The following CXCL13 variants were observed in gnomAD, a reference collection of about 807,000 sequenced individuals.
CXCL13 encodes the protein C-X-C motif chemokine 13.
In CXCL13, 7 loss-of-function variants were observed where a neutral mutation model predicts 12.2. That is an observed-to-expected ratio of 0.57 (90% confidence interval 0.33 to 1.07). The LOEUF (loss-of-function observed/expected upper bound fraction) is 1.07, where lower values mean the gene tolerates loss of function less well. CXCL13 is among the 50% of genes least tolerant of loss of function. The probability of loss-of-function intolerance (pLI) is 0.04; values close to 1 mark genes in which losing one functional copy is unlikely to be tolerated. For synonymous variants in CXCL13, 47 were observed against 42.4 expected (o/e 1.11, Z -0.42); for missense variants, 113 against 127.4 (o/e 0.89, Z 0.55).
At chr4:77,575,180 G>T (rs1167100802) in intron 1 of CXCL13, among the ~76,000 whole-genome samples, 3 of 151,786 alleles carry the variant, frequency 2.0e-5, no homozygotes, top group Admixed American at 6.6e-5. Flanking sequence ...ATTTGTAAAG[G>T]GTTATAAAAT....
chr4:77,595,105 T>A (rs1726717207), intron 1 of CXCL13, among the ~76,000 whole-genome samples: 2 of 151,664 alleles, frequency 1.3e-5, no homozygotes, highest in African/African-American at 2.4e-5. Context: ...GTGATTTTTT[T>A]TTTTTTTTTT....
intron 1 of CXCL13, among the ~76,000 whole-genome samples, chr4:77,593,212 C>G (rs1315164417): frequency 6.6e-6 from 1 of 152,194 alleles, no homozygotes; most frequent in Admixed American, 6.5e-5. Context: ...CACTCTGTTT[C>G]CCTGATTATG....
chr4:77,548,390 C>G (rs1725427845), intron 1 of CXCL13, among the ~76,000 whole-genome samples: 1 of 152,212 alleles, frequency 6.6e-6, no homozygotes, highest in Non-Finnish European at 1.5e-5. Context: ...AAGTTTAATG[C>G]ACAGCTCTAC....
At chr4:77,534,656 A>C (rs1338699233) in intron 1 of CXCL13, among the ~76,000 whole-genome samples, 1 of 152,176 alleles carries the variant, frequency 6.6e-6, no homozygotes, top group Non-Finnish European at 1.5e-5. Flanking sequence ...TTTAAAATAC[A>C]CCTCTGAGAA....
At chr4:77,531,171 C>T (rs1166979116) in intron 1 of CXCL13, among the ~76,000 whole-genome samples, 5 of 149,880 alleles carry the variant, frequency 3.3e-5, no homozygotes, top group African/African-American at 1.2e-4. Flanking sequence ...ATGTGCACAA[C>T]GTGCTGGTTT....
At chr4:77,521,357 T>C (rs950084464) in intron 1 of CXCL13, among the ~76,000 whole-genome samples, 1 of 152,176 alleles carries the variant, frequency 6.6e-6, no homozygotes, top group South Asian at 2.1e-4. Context: ...GGACTTTTTT[T>C]GGTTGGTAGG....
intron 1 of CXCL13, among the ~76,000 whole-genome samples, chr4:77,539,324 G>T (rs1256723078): frequency 6.6e-6 from 1 of 152,094 alleles, no homozygotes; most frequent in Non-Finnish European, 1.5e-5. Context: ...ACAGGGGTTT[G>T]CCACTTTGGC....
intron 1 of CXCL13, among the ~76,000 whole-genome samples, chr4:77,574,321 T>C (rs544754578): frequency 2.0e-5 from 3 of 152,008 alleles, no homozygotes; most frequent in Admixed American, 6.5e-5. Context: ...ACAGACCCCA[T>C]TTTGGGGAAA....
intron 1 of CXCL13, among the ~76,000 whole-genome samples, chr4:77,590,483 TG>T (rs1280985717): frequency 6.6e-6 from 1 of 152,258 alleles, no homozygotes; most frequent in African/African-American, 2.4e-5. Context: ...CAGAATTGCA[TG>T]TGGCATAATT....
intron 1 of CXCL13, among the ~76,000 whole-genome samples, chr4:77,572,034 A>C (rs978294902): frequency 6.6e-6 from 1 of 151,806 alleles, no homozygotes; most frequent in Non-Finnish European, 1.5e-5. Flanking sequence ...ACATCTGAAC[A>C]TCAGAAGGGA....
At chr4:77,570,484 G>A (rs1300657420) in intron 1 of CXCL13, among the ~76,000 whole-genome samples, 1 of 152,220 alleles carries the variant, frequency 6.6e-6, no homozygotes, top group African/African-American at 2.4e-5. Context: ...TAATCCCAGT[G>A]AGAGGTGACA....
chr4:77,610,619 G>A lies in CXCL13; in HGVS notation c.203G>A (p.Trp68Ter). 1 of 1,609,286 alleles carries A rather than the reference G, an allele frequency of 6.2e-7. No homozygotes were observed. The highest frequency in any genetic ancestry group is 8.5e-7 in the Non-Finnish European group (1 of 1,175,684). Residue 68 changes from tryptophan to a stop codon, truncating the protein, a stop_gained, in exon 3 of 4, where the codon TGG (tryptophan) becomes TAG (stop). Coordinates refer to ENST00000682537, the MANE Select transcript of CXCL13 (RefSeq NM_001371558.1). LOFTEE classifies it high-confidence loss of function. ...TAATTTTTATTTTCCCCCAGAGTCT[G>A]GAAGAAGAACAAGTCAATTGTGTGT... Reference protein sequence around the residue: ...NGCPRKEIIVWKKNKSIVCVD... With the variant: ...NGCPRKEIIV
intron 1 of CXCL13, among the ~76,000 whole-genome samples, chr4:77,524,679 G>C (rs947048694): frequency 1.3e-5 from 2 of 152,168 alleles, no homozygotes; most frequent in African/African-American, 4.8e-5. Flanking sequence ...CACTTCCCGG[G>C]TGAGGCTATG....
intron 1 of CXCL13, among the ~76,000 whole-genome samples, chr4:77,519,601 A>G (rs544094808): frequency 6.6e-6 from 1 of 152,152 alleles, no homozygotes; most frequent in East Asian, 1.9e-4. Context: ...TTCTTTGTAG[A>G]TTCTGGATAT....
intron 1 of CXCL13, among the ~76,000 whole-genome samples, chr4:77,567,027 C>A (rs113233894): frequency 1.3e-5 from 2 of 152,112 alleles, no homozygotes; most frequent in African/African-American, 4.8e-5. Flanking sequence ...CCCACCATTG[C>A]GATTTGTTCC....
chr4:77,549,754 T>C (rs1005588443), intron 1 of CXCL13, among the ~76,000 whole-genome samples: 2 of 152,144 alleles, frequency 1.3e-5, no homozygotes, highest in African/African-American at 2.4e-5. Context: ...TGTCAGTCAG[T>C]CCCTACTGGG....
chr4:77,516,997 G>C (rs530763389), intron 1 of CXCL13, among the ~76,000 whole-genome samples: 2 of 151,880 alleles, frequency 1.3e-5, no homozygotes, highest in South Asian at 4.2e-4. Context: ...AGAGATTCTG[G>C]TATCTTGTGT....
At chr4:77,530,807 C>G (rs1400116905) in intron 1 of CXCL13, among the ~76,000 whole-genome samples, 4 of 151,742 alleles carry the variant, frequency 2.6e-5, no homozygotes, top group Non-Finnish European at 5.9e-5. Flanking sequence ...TATTTCTTGC[C>G]TTCTGCTAGC....
intron 1 of CXCL13, among the ~76,000 whole-genome samples, chr4:77,559,167 T>C (rs957496101): frequency 2.0e-5 from 3 of 152,182 alleles, no homozygotes; most frequent in Admixed American, 6.5e-5. Flanking sequence ...GATTGGACTC[T>C]CTAGGAAGCA....
Sources: gnomAD v4.1 joint callset for allele counts (sites outside exome capture counted in the v4.1 genomes callset) on GRCh38, gnomAD v4.1.1 for gene constraint, MANE v1.5 for transcripts, NCBI Gene and HGNC (gene_info 2026-07-23, HGNC 2026-07-21) for gene names.